The following CALU variants were observed in gnomAD, a reference collection of about 807,000 sequenced individuals.
CALU encodes calumenin, also known as IEF SSP 9302.
CALU carries 13 observed loss-of-function variants against 37.5 expected under a neutral mutation model. That is an observed-to-expected ratio of 0.35 (90% CI 0.23 to 0.55). The LOEUF (loss-of-function observed/expected upper bound fraction) is 0.55. CALU is among the 20% of genes least tolerant of loss of function. The pLI is 0.89. For missense variants in CALU, 282 were observed against 391.7 expected (o/e 0.72, Z 2.36); for synonymous variants, 114 against 133.8 (o/e 0.85, Z 1.02).
intron 6 of CALU, among the ~76,000 whole-genome samples, 195 bp from the exon 7 acceptor site, chr7:128,768,868 A>AAAAAAAAAAAAAAAAAAAG (rs1207568324): frequency 6.6e-6 from 1 of 150,518 alleles, no homozygotes; most frequent in Non-Finnish European, 1.5e-5. Flanking sequence ...AAAAAAAAAA[A>AAAAAAAAAAAAAAAAAAAG]CAAGGAATGT....
chr7:128,741,998 A>G (rs339055), intron 1 of CALU, among the ~76,000 whole-genome samples: 2,962 of 152,274 alleles, frequency 0.019, 96 homozygotes, highest in African/African-American at 0.068. Flanking sequence ...TTACACTTCT[A>G]TTATCTCAGC....
intron 5 of CALU, among the ~76,000 whole-genome samples, chr7:128,762,659 T>G (rs974888338): frequency 6.6e-6 from 1 of 151,990 alleles, no homozygotes; most frequent in Non-Finnish European, 1.5e-5. Flanking sequence ...GTACACAACT[T>G]ATTTGTTTAT....
At chr7:128,739,928 AG>A (rs1800166985) in intron 1 of CALU, among the ~76,000 whole-genome samples, 2 of 152,136 alleles carry the variant, frequency 1.3e-5, no homozygotes, top group African/African-American at 4.8e-5. Context: ...ACTCACCTAA[AG>A]GGTGCAGAAA....
chr7:128,760,491 G>GT (rs1801066840), intron 5 of CALU, among the ~76,000 whole-genome samples: 1 of 135,076 alleles, frequency 7.4e-6, no homozygotes, highest in South Asian at 2.2e-4. Context: ...AATTATTGAG[G>GT]GTTTTTTTTT....
At chr7:128,748,443 G>T in intron 1 of CALU, 130 bp from the exon 2 acceptor site, 2 of 1,229,790 alleles carry the variant, frequency 1.6e-6, no homozygotes, top group Non-Finnish European at 2.3e-6. Context: ...GTAATATTTG[G>T]GATAATATAA....
chr7:128,740,795 ATT>A (rs1385405859), intron 1 of CALU, among the ~76,000 whole-genome samples: 1 of 152,150 alleles, frequency 6.6e-6, no homozygotes. Context: ...CAATGTAATC[ATT>A]GTTTGTTTTC....
rs1012831963 is a variant in CALU at position 128,768,847 on chromosome 7, C to CAA, written c.844-196_844-195dup. On this transcript the variant is annotated intron_variant, in intron 6 of 6. Transcript: ENST00000249364. ...GGGCAACAAGAGCGAAACTCCGTCT[C>CAA]AAAAAAAAAAAAAAAAAAAAACAAG... 1.6e-3 allele frequency among the ~76,000 whole-genome samples: 86 copies of CAA among 55,040 alleles called. 5 individuals are homozygous for CAA. Among genetic ancestry groups the CAA allele is most frequent in the Middle Eastern group, 0.011 (1 of 88 alleles). 36.1% of individuals were successfully genotyped at this position (55,040 alleles called of 152,430 possible). A position where few individuals can be genotyped will look rare whatever the true frequency, so the allele number is the denominator to read the frequency against.
intron 1 of CALU, among the ~76,000 whole-genome samples, chr7:128,741,355 T>G (rs941806980): frequency 6.6e-6 from 1 of 152,182 alleles, no homozygotes; most frequent in African/African-American, 2.4e-5. Context: ...ATTAATCCAG[T>G]AAAATGTATT....
chr7:128,762,359 G>A (rs75619773), intron 5 of CALU, among the ~76,000 whole-genome samples: 1 of 148,844 alleles, frequency 6.7e-6, no homozygotes, highest in Non-Finnish European at 1.5e-5. Context: ...ACTATCTTGT[G>A]CATGTGTGCT....
intron 3 of CALU, among the ~76,000 whole-genome samples, chr7:128,757,055 C>A (rs1398997264): frequency 6.6e-6 from 1 of 151,482 alleles, no homozygotes; most frequent in Non-Finnish European, 1.5e-5. Context: ...CAGCCTGGGC[C>A]ACACAGAACA....
chr7:128,767,699 T>G, intron 6 of CALU, 44 bp downstream of exon 6: 1 of 1,483,710 alleles, frequency 6.7e-7, no homozygotes, highest in Non-Finnish European at 9.4e-7. Flanking sequence ...GATTGAAGTA[T>G]GCTTCTAGGG....
intron 2 of CALU, among the ~76,000 whole-genome samples, chr7:128,750,448 G>A (rs1800628480): frequency 6.6e-6 from 1 of 152,154 alleles, no homozygotes; most frequent in Non-Finnish European, 1.5e-5. Context: ...AGCTCTGCTG[G>A]CACTTTTCAG....
intron 3 of CALU, 78 bp downstream of exon 3, chr7:128,754,533 A>G: frequency 6.4e-7 from 1 of 1,573,240 alleles, no homozygotes; most frequent in Non-Finnish European, 8.6e-7. Flanking sequence ...TTGTAGAATG[A>G]TTGTAGATAA....
At chr7:128,759,229 A>G (rs1396542067) in intron 4 of CALU, among the ~76,000 whole-genome samples, 192 bp downstream of exon 4, 1 of 152,194 alleles carries the variant, frequency 6.6e-6, no homozygotes, top group Non-Finnish European at 1.5e-5. Flanking sequence ...GACCTTGATC[A>G]AGGTGCCTTG....
At chr7:128,749,034 A>C (rs758272742) in intron 2 of CALU, among the ~76,000 whole-genome samples, 12 of 152,252 alleles carry the variant, frequency 7.9e-5, no homozygotes, top group Non-Finnish European at 1.5e-4. Flanking sequence ...ATTTTTGCAT[A>C]AAAGTACCAA....
In CALU at chr7:128,771,651, C is replaced by G. The variant is rs1801568632; in HGVS notation, c.*2484C>G. On this transcript the variant is annotated 3_prime_UTR_variant, in exon 7 of 7. Transcript: ENST00000249364. Reference sequence around the variant, plus strand: ...CTGTTTTCTGGTATTTTCTAGCATCCTTCTCACCACAGCCATAACCCTTTT... The same window carrying G: ...CTGTTTTCTGGTATTTTCTAGCATCGTTCTCACCACAGCCATAACCCTTTT... 6.6e-6 allele frequency: 1 copy of G among 152,324 alleles called. No homozygotes were observed. The highest frequency in any genetic ancestry group is 1.9e-4 in the East Asian group (1 of 5,186). 9.4% of individuals were successfully genotyped at this position (152,324 alleles called of 1,614,324 possible).
Sources: allele counts gnomAD v4.1 joint callset (sites outside exome capture counted in the v4.1 genomes callset), GRCh38; gene constraint gnomAD v4.1.1; transcripts MANE v1.5; gene names NCBI Gene and HGNC (gene_info 2026-07-23, HGNC 2026-07-21).